Variants in GAS7 observed in about 807,000 individuals in gnomAD.
GAS7 encodes growth arrest specific 7.
Under a neutral mutation model 71.1 loss-of-function variants are expected in GAS7, and 28 were observed. The ratio of observed to expected loss-of-function variants is 0.39; its 90% CI spans 0.29 to 0.54. The LOEUF is 0.54. Among genes scored for constraint, GAS7 ranks in the 20% least tolerant of loss-of-function variants. The pLI, the probability that GAS7 is intolerant of heterozygous loss-of-function variation, is 0.62. For synonymous variants in GAS7, 258 were observed against 245.8 expected, an observed-to-expected ratio of 1.05 and a Z score of -0.46; for missense variants, 436 against 627.8, an observed-to-expected ratio of 0.69 and a Z score of 3.27.
At chr17:9,966,783 C>T (rs1461871357) in intron 4 of GAS7, among the ~76,000 whole-genome samples, 1 of 152,156 alleles carries the variant, frequency 6.6e-6, no homozygotes, top group African/African-American at 2.4e-5. Context: ...TGTTTGAGCC[C>T]AGCAGTTCCA....
intron 1 of GAS7, among the ~76,000 whole-genome samples, chr17:10,078,905 T>C (rs2073425949): frequency 6.6e-6 from 1 of 152,144 alleles, no homozygotes; most frequent in African/African-American, 2.4e-5. Context: ...ATTTTTTTAA[T>C]TAGCCAGGTG....
At chr17:10,047,217 A>C (rs1278734808) in intron 1 of GAS7, among the ~76,000 whole-genome samples, 1 of 152,224 alleles carries the variant, frequency 6.6e-6, no homozygotes, top group African/African-American at 2.4e-5. Flanking sequence ...GGCCAAGCCC[A>C]GCCAATGCCC....
Position 10,026,183 on chromosome 17 carries a change from T to G in GAS7, c.184-6286A>C. ...AAAGCCGTGAGCAAACGCTACTCGC[T>G]GGTGTTAATGGGTGGTCGTCAGACA... On this transcript the variant is annotated intron_variant, in intron 1 of 13. Transcript: ENST00000432992. This position sits in a 1 kb window ranked among gnomAD's most constrained non-coding sequence, Gnocchi z 4.5. 1.0e-6 allele frequency: 1 copy of G among 985,404 alleles called. No individual in the cohort carries two copies. The highest frequency in any genetic ancestry group is 1.1e-4 in the East Asian group (1 of 8,806). The allele number at this position is 985,404 out of a possible 1,614,324, so 61.0% of individuals were successfully genotyped here.
rs545184291 is a variant in GAS7 at position 9,916,518 on chromosome 17, G to A, written c.*710C>T. 33 of 236,506 alleles carry A rather than the reference G, an allele frequency of 1.4e-4. No individual in the cohort carries two copies. The highest frequency in any genetic ancestry group is 6.4e-4 in the African/African-American group (29 of 45,606). The allele number at this position is 236,506 out of a possible 1,614,324, so 14.7% of individuals were successfully genotyped here. A position where few individuals can be genotyped will look rare whatever the true frequency, so the allele number is the denominator to read the frequency against. On this transcript the variant is annotated 3_prime_UTR_variant, in exon 14 of 14. Transcript: ENST00000432992. ...GAAGGATGGATTGGCATTTCCAGAGGAGACTTTACAGATGGCGCCTGATCT... is the reference window on the plus strand; with the variant it reads ...GAAGGATGGATTGGCATTTCCAGAGAAGACTTTACAGATGGCGCCTGATCT...
rs59048492 is a variant in GAS7, at chr17:9,951,760, C to CAAAAAAA, written c.526-4784_526-4778dup. On this transcript the variant is annotated intron_variant, in intron 5 of 13. Coordinates refer to ENST00000432992, the MANE Select transcript of GAS7 (RefSeq NM_201433.2). ...GGGCAACAAGAGCAAAACTCTGTCT[C>CAAAAAAA]AAAAAAAAAAAAAAAAAAAAAAAAA... 9.3e-4 allele frequency among the ~76,000 whole-genome samples: 64 copies of CAAAAAAA among 69,008 alleles called. 1 individual carries two copies. The highest frequency in any genetic ancestry group is 1.6e-3 in the South Asian group (3 of 1,832). The allele number at this position is 69,008 out of a possible 152,430, so 45.3% of individuals were successfully genotyped here. A position where few individuals can be genotyped will look rare whatever the true frequency, so the allele number is the denominator to read the frequency against.
In GAS7 at chr17:10,183,093, C is replaced by T. The variant is rs370565576; in HGVS notation, c.183+15115G>A. ...TGGCCAGACGCTGCAGCTTCCCTTG[C>T]TTTCACTTGTAGGACCTACGCCCCG... On this transcript the variant is annotated intron_variant, in intron 1 of 13. Transcript: ENST00000432992. Among the ~76,000 whole-genome samples the T allele has an allele frequency of 7.8e-4, 119 of 151,968 alleles. 2 individuals are homozygous for T. In the South Asian group the frequency reaches 0.023, roughly 30 times the overall value.
intron 1 of GAS7, among the ~76,000 whole-genome samples, chr17:10,040,232 A>G (rs1480953471): frequency 1.3e-5 from 2 of 152,220 alleles, no homozygotes; most frequent in Non-Finnish European, 2.9e-5. Context: ...CCACAGGGGC[A>G]ATATTCTAGG....
chr17:10,036,911 G>A (rs370607262), intron 1 of GAS7, among the ~76,000 whole-genome samples: 193 of 152,286 alleles, frequency 1.3e-3, no homozygotes, highest in African/African-American at 4.1e-3. Context: ...TGTTTTAGGC[G>A]GGACTTCCTG....
At chr17:10,065,340 C>A (rs1431486261) in intron 1 of GAS7, among the ~76,000 whole-genome samples, 2 of 152,204 alleles carry the variant, frequency 1.3e-5, no homozygotes, top group East Asian at 1.9e-4. Flanking sequence ...CTTAAAGCAA[C>A]AGAAATGTAT....
At chr17:10,157,357 C>T (rs2074213364) in intron 1 of GAS7, among the ~76,000 whole-genome samples, 1 of 152,128 alleles carries the variant, frequency 6.6e-6, no homozygotes, top group South Asian at 2.1e-4. Flanking sequence ...GCACCAACTC[C>T]CCTGCCTTTC....
At chr17:9,987,910 C>T (rs963710423) in intron 2 of GAS7, among the ~76,000 whole-genome samples, 5 of 152,226 alleles carry the variant, frequency 3.3e-5, no homozygotes, top group African/African-American at 1.2e-4. Flanking sequence ...TGGTGACTGG[C>T]CATGGGCCCA....
chr17:10,178,296 C>A (rs1304678588), intron 1 of GAS7, among the ~76,000 whole-genome samples: 1 of 150,994 alleles, frequency 6.6e-6, no homozygotes, highest in Non-Finnish European at 1.5e-5. Flanking sequence ...TTCTGTGGTG[C>A]CCGTGGAATG....
chr17:10,039,707 G>A (rs544434194), intron 1 of GAS7: 25 of 455,216 alleles, frequency 5.5e-5, no homozygotes, highest in African/African-American at 1.8e-4. Context: ...AAATAAAGAC[G>A]ACGAGGCTGG....
At chr17:9,918,491 C>T (rs1313236033) in intron 12 of GAS7, among the ~76,000 whole-genome samples, 1 of 152,226 alleles carries the variant, frequency 6.6e-6, no homozygotes, top group Non-Finnish European at 1.5e-5. Flanking sequence ...AGGATTTAAA[C>T]CAGAGTCCAT....
intron 1 of GAS7, among the ~76,000 whole-genome samples, chr17:10,126,595 CACACGCTCACACACATGCAG>C (rs2073952886): frequency 6.6e-6 from 1 of 152,082 alleles, no homozygotes; most frequent in South Asian, 2.1e-4. Flanking sequence ...CATTCACACA[CACACGCTCACACACATGCAG>C]ACACACTCAC....
At chr17:10,088,690 C>CT (rs1362768393) in intron 1 of GAS7, among the ~76,000 whole-genome samples, 1 of 152,108 alleles carries the variant, frequency 6.6e-6, no homozygotes, top group African/African-American at 2.4e-5. Context: ...CATGCTGTCT[C>CT]TATTTCTGGA....
chr17:10,110,416 AAG>A (rs1257959504), intron 1 of GAS7, among the ~76,000 whole-genome samples: 1 of 152,058 alleles, frequency 6.6e-6, no homozygotes, highest in Non-Finnish European at 1.5e-5. Context: ...AGGGGGGATG[AAG>A]AGAGTTTGGT....
chr17:9,963,947 G>T (rs2069602981), intron 4 of GAS7, among the ~76,000 whole-genome samples: 1 of 152,062 alleles, frequency 6.6e-6, no homozygotes, highest in South Asian at 2.1e-4. Context: ...GAGGGCAAGG[G>T]GATTGGGGGA....
chr17:10,156,380 A>G (rs1422698176), intron 1 of GAS7, among the ~76,000 whole-genome samples: 1 of 152,202 alleles, frequency 6.6e-6, no homozygotes, highest in Non-Finnish European at 1.5e-5. Flanking sequence ...ATATGTCTGC[A>G]TTTAATTTCA....
Sources: allele counts gnomAD v4.1 joint callset (sites outside exome capture counted in the v4.1 genomes callset), GRCh38; gene constraint gnomAD v4.1.1; non-coding constraint Gnocchi (gnomAD v3.1); transcripts MANE v1.5; gene names NCBI Gene and HGNC (gene_info 2026-07-23, HGNC 2026-07-21).